The following BACH2 variants were observed in gnomAD, a reference collection of about 807,000 sequenced individuals.
BACH2 encodes transcription regulator protein BACH2.
BACH2 carries 5 observed loss-of-function variants against 61.8 expected under a neutral mutation model. The ratio of observed to expected loss-of-function variants is 0.08; its 90% CI spans 0.04 to 0.17. BACH2 has a LOEUF of 0.17. BACH2 is among the 10% of genes least tolerant of loss of function. The probability of loss-of-function intolerance (pLI) is 1.00; values close to 1 mark genes in which losing one functional copy is unlikely to be tolerated. For synonymous variants in BACH2, 446 were observed against 440.1 expected, an observed-to-expected ratio of 1.01 and a Z score of -0.17; for missense variants, 824 against 1,091.1, an observed-to-expected ratio of 0.76 and a Z score of 3.45.
At chr6:90,163,807 C>T (rs953938426) in intron 4 of BACH2, among the ~76,000 whole-genome samples, 4 of 152,174 alleles carry the variant, frequency 2.6e-5, no homozygotes, top group African/African-American at 7.2e-5. Flanking sequence ...TGTGCTTCCA[C>T]GATCACAGTC....
At chr6:90,248,400 G>A (rs192342661) in intron 3 of BACH2, among the ~76,000 whole-genome samples, 42 of 152,236 alleles carry the variant, frequency 2.8e-4, no homozygotes, top group Middle Eastern at 3.4e-3. Flanking sequence ...CAAAATAGCC[G>A]TGATCCCTAA....
intron 3 of BACH2, among the ~76,000 whole-genome samples, chr6:90,246,971 T>C (rs545607441): frequency 6.6e-6 from 1 of 152,290 alleles, no homozygotes; most frequent in Admixed American, 6.5e-5. Flanking sequence ...AACATACTTG[T>C]AAATTTACGA....
intron 5 of BACH2, among the ~76,000 whole-genome samples, chr6:90,057,515 G>A (rs899983498): frequency 2.0e-5 from 3 of 152,000 alleles, no homozygotes; most frequent in African/African-American, 7.2e-5. Flanking sequence ...CAGGAACCAG[G>A]TGGATTCACA....
At chr6:89,974,030 A>G (rs763639309) in intron 6 of BACH2, among the ~76,000 whole-genome samples, 1 of 152,094 alleles carries the variant, frequency 6.6e-6, no homozygotes, top group Admixed American at 6.5e-5. Context: ...TGGTACAGAG[A>G]AACTTGAACT....
chr6:90,056,208 T>A (rs1302485896), intron 5 of BACH2, among the ~76,000 whole-genome samples: 1 of 152,204 alleles, frequency 6.6e-6, no homozygotes, highest in African/African-American at 2.4e-5. Flanking sequence ...CCTATCAGTG[T>A]GCTGTATTCA....
At chr6:89,947,690 T>C (rs569781771) in intron 7 of BACH2, among the ~76,000 whole-genome samples, 28 of 151,990 alleles carry the variant, frequency 1.8e-4, no homozygotes, top group South Asian at 4.2e-4. Context: ...CTCAGCCTCC[T>C]GAGTAGCTGG....
At chr6:90,062,007 G>GATTA (rs1404600979) in intron 5 of BACH2, among the ~76,000 whole-genome samples, 6 of 152,164 alleles carry the variant, frequency 3.9e-5, no homozygotes, top group African/African-American at 1.4e-4. Context: ...TGTGACACAA[G>GATTA]AAGTTTTTTC....
chr6:90,223,424 A>C (rs547917246), intron 3 of BACH2, among the ~76,000 whole-genome samples: 2 of 152,282 alleles, frequency 1.3e-5, no homozygotes, highest in Admixed American at 6.5e-5. Context: ...AATGTATTCA[A>C]TGGCACTTGT....
intron 4 of BACH2, among the ~76,000 whole-genome samples, chr6:90,142,648 C>A (rs1412561949): frequency 6.6e-6 from 1 of 151,904 alleles, no homozygotes; most frequent in Non-Finnish European, 1.5e-5. Context: ...AAACAAAACC[C>A]CCTTCTTGCC....
intron 1 of BACH2, among the ~76,000 whole-genome samples, chr6:90,274,024 C>T (rs535020033): frequency 2.0e-5 from 3 of 152,272 alleles, no homozygotes; most frequent in East Asian, 1.9e-4. Context: ...CACGTTTCTC[C>T]GTGCTCCAAG....
chr6:90,036,834 C>T (rs1015276353), intron 5 of BACH2, among the ~76,000 whole-genome samples: 1 of 152,056 alleles, frequency 6.6e-6, no homozygotes. Context: ...TAGACTATAA[C>T]CATCACCCCA....
At chr6:90,233,778 C>T (rs1036382268) in intron 3 of BACH2, among the ~76,000 whole-genome samples, 3 of 152,164 alleles carry the variant, frequency 2.0e-5, no homozygotes, top group African/African-American at 7.2e-5. Flanking sequence ...ACCCCATCCA[C>T]AGGCTCATGT....
rs1473774823 is a variant in BACH2 at position 90,056,424 on chromosome 6, A to G, written c.-13+32537T>C. ...ATCAATTCAACAAGAAGAGCTAACT[A>G]TCCTAAATATATATGCACCCAATAC... On this transcript the variant is annotated intron_variant, in intron 5 of 8. Transcript: ENST00000257749. Among the ~76,000 whole-genome samples, 4 of 152,192 alleles carry G rather than the reference A, an allele frequency of 2.6e-5. No individual in the cohort carries two copies. The South Asian group carries it at 6.2e-4, about 24-fold the overall frequency.
At chr6:90,209,962 T>A (rs1364895195) in intron 3 of BACH2, among the ~76,000 whole-genome samples, 3 of 152,112 alleles carry the variant, frequency 2.0e-5, no homozygotes. Context: ...TTAAAAACAA[T>A]GTTAATAATT....
chr6:90,188,751 C>G (rs1351059014), intron 4 of BACH2, among the ~76,000 whole-genome samples: 1 of 135,854 alleles, frequency 7.4e-6, no homozygotes, highest in Non-Finnish European at 1.5e-5. Flanking sequence ...GGTCTGGTGG[C>G]CCCAAAATGA....
At chr6:90,227,230 T>C (rs1286020695) in intron 3 of BACH2, among the ~76,000 whole-genome samples, 1 of 152,172 alleles carries the variant, frequency 6.6e-6, no homozygotes, top group Non-Finnish European at 1.5e-5. Context: ...TTAATACACA[T>C]AAAGTGTTTG....
At chr6:90,014,643 T>C (rs1406134383) in intron 5 of BACH2, among the ~76,000 whole-genome samples, 1 of 150,754 alleles carries the variant, frequency 6.6e-6, no homozygotes, top group Non-Finnish European at 1.5e-5. Context: ...GCCCAGCTAA[T>C]TTTTGTATTT....
chr6:90,286,211 C>A (rs1772011754), intron 1 of BACH2, among the ~76,000 whole-genome samples: 1 of 152,164 alleles, frequency 6.6e-6, no homozygotes, highest in African/African-American at 2.4e-5. Context: ...AACAGACAAG[C>A]ACAGTTCCTG....
intron 4 of BACH2, among the ~76,000 whole-genome samples, chr6:90,192,165 T>C (rs1252785833): frequency 3.3e-5 from 5 of 152,366 alleles, no homozygotes; most frequent in Admixed American, 3.3e-4. Context: ...AGTATTAATG[T>C]GCTTTCACAC....
Sources: gnomAD v4.1 joint callset for allele counts (sites outside exome capture counted in the v4.1 genomes callset) on GRCh38, gnomAD v4.1.1 for gene constraint, MANE v1.5 for transcripts, NCBI Gene and HGNC (gene_info 2026-07-23, HGNC 2026-07-21) for gene names.